The following EXOC4 variants were observed in gnomAD, a reference collection of about 807,000 sequenced individuals.
EXOC4 encodes exocyst complex component 4.
EXOC4 carries 71 observed loss-of-function variants against 107.2 expected under a neutral mutation model. That is an observed-to-expected ratio of 0.66 (90% confidence interval 0.55 to 0.81). The LOEUF (loss-of-function observed/expected upper bound fraction) is 0.81, where lower values mean the gene tolerates loss of function less well. Among genes scored for constraint, EXOC4 ranks in the 30% least tolerant of loss-of-function variants. The pLI is 0.00. For missense variants in EXOC4, 1,108 were observed against 1,189.6 expected, an observed-to-expected ratio of 0.93 and a Z score of 1.01; for synonymous variants, 456 against 441.2, an observed-to-expected ratio of 1.03 and a Z score of -0.42.
intron 10 of EXOC4, among the ~76,000 whole-genome samples, chr7:133,725,851 T>A (rs1795204036): frequency 2.0e-5 from 3 of 152,342 alleles, no homozygotes; most frequent in Middle Eastern, 3.4e-3. Flanking sequence ...ATGACCAGGC[T>A]TATTTCAAAG....
chr7:134,059,190 T>C (rs1047942940), intron 17 of EXOC4, among the ~76,000 whole-genome samples: 1 of 152,164 alleles, frequency 6.6e-6, no homozygotes, highest in African/African-American at 2.4e-5. Context: ...AGAGTTGCCA[T>C]GGGCGGGAAT....
intron 15 of EXOC4, among the ~76,000 whole-genome samples, chr7:134,002,976 T>C (rs1053056214): frequency 4.6e-5 from 7 of 152,136 alleles, no homozygotes; most frequent in Non-Finnish European, 1.0e-4. Flanking sequence ...CTTCCAGGTA[T>C]TTATCCAAGA....
intron 1 of EXOC4, among the ~76,000 whole-genome samples, chr7:133,260,031 C>G (rs1206623875): frequency 7.4e-6 from 1 of 134,302 alleles, no homozygotes; most frequent in East Asian, 2.0e-4. Flanking sequence ...CAGTTTTTTC[C>G]AGTACTTTTT....
chr7:133,557,820 A>G (rs1436283569), intron 9 of EXOC4, among the ~76,000 whole-genome samples: 1 of 152,044 alleles, frequency 6.6e-6, no homozygotes, highest in African/African-American at 2.4e-5. Context: ...GCGAAATCCC[A>G]TCTCTACTTA....
intron 13 of EXOC4, among the ~76,000 whole-genome samples, chr7:133,932,554 T>C (rs913906562): frequency 2.0e-5 from 3 of 152,234 alleles, no homozygotes; most frequent in Non-Finnish European, 4.4e-5. Flanking sequence ...ATACTCACTC[T>C]ATACTATCTC....
At chr7:133,707,971 T>C (rs1794804425) in intron 10 of EXOC4, among the ~76,000 whole-genome samples, 1 of 152,148 alleles carries the variant, frequency 6.6e-6, no homozygotes, top group Non-Finnish European at 1.5e-5. Context: ...CAGTGAACAA[T>C]TACTTAGATA....
intron 5 of EXOC4, among the ~76,000 whole-genome samples, chr7:133,326,281 C>T (rs568124311): frequency 2.7e-4 from 41 of 152,262 alleles, no homozygotes; most frequent in Non-Finnish European, 4.1e-4. Flanking sequence ...GGGGGAGAGG[C>T]GCTCTGATTT....
At chr7:133,475,073 C>T (rs1467100491) in intron 7 of EXOC4, among the ~76,000 whole-genome samples, 1 of 152,038 alleles carries the variant, frequency 6.6e-6, no homozygotes, top group Admixed American at 6.5e-5. Context: ...ATAGTAGATA[C>T]CCAATAAAAA....
chr7:133,501,329 C>T (rs374490114), intron 9 of EXOC4, among the ~76,000 whole-genome samples: 1 of 152,054 alleles, frequency 6.6e-6, no homozygotes, highest in African/African-American at 2.4e-5. Context: ...CTGAAACTGA[C>T]AGACTGTAGA....
chr7:134,081,289 G>C, the EXOC4 span, among the ~76,000 whole-genome samples: 7 of 152,154 alleles, frequency 4.6e-5, no homozygotes, highest in Non-Finnish European at 1.0e-4. Flanking sequence ...GTTGCCGTGA[G>C]CTGAGATTGC....
intron 14 of EXOC4, among the ~76,000 whole-genome samples, chr7:133,955,633 C>T (rs2953634): frequency 0.26 from 38,853 of 152,184 alleles, 5,850 homozygotes; most frequent in Non-Finnish European, 0.34. Context: ...TCACCGGGGA[C>T]CTGGCCCTGT....
chr7:133,999,260 G>A (rs960519524), intron 15 of EXOC4, among the ~76,000 whole-genome samples: 6 of 152,118 alleles, frequency 3.9e-5, no homozygotes, highest in Non-Finnish European at 4.4e-5. Flanking sequence ...GACTTTGTTT[G>A]ATAGGTGACC....
intron 5 of EXOC4, among the ~76,000 whole-genome samples, chr7:133,334,948 C>T (rs1181086735): frequency 6.6e-6 from 1 of 152,192 alleles, no homozygotes; most frequent in African/African-American, 2.4e-5. Flanking sequence ...ATATGTACTA[C>T]ATTTTCTTTA....
At position 133,280,868 on chromosome 7, in the gene EXOC4, C is replaced by T. The variant is rs573898895; in HGVS notation, c.276+5697C>T. Among the ~76,000 whole-genome samples, 8 of 152,236 alleles carry T rather than the reference C, an allele frequency of 5.3e-5. No homozygotes were observed. In the South Asian group the frequency reaches 1.7e-3, roughly 32 times the overall value. ...TTTACAGCCCAAATATAAGATGCTG[C>T]TTGTATGAGAAAGGGAAGAAGGCCT... On this transcript the variant is annotated intron_variant, in intron 2 of 17. Coordinates refer to ENST00000253861, the MANE Select transcript of EXOC4 (RefSeq NM_021807.4).
At chr7:133,747,477 G>A (rs1245552118) in intron 10 of EXOC4, among the ~76,000 whole-genome samples, 2 of 152,068 alleles carry the variant, frequency 1.3e-5, no homozygotes, top group African/African-American at 2.4e-5. Flanking sequence ...AATAAACTTG[G>A]CATGTTTAAC....
chr7:133,710,737 T>C (rs1794873353), intron 10 of EXOC4, among the ~76,000 whole-genome samples: 1 of 151,920 alleles, frequency 6.6e-6, no homozygotes. Flanking sequence ...GCCTCAACTA[T>C]TTTTAATATG....
At chr7:133,260,211 T>G (rs1005149057) in intron 1 of EXOC4, among the ~76,000 whole-genome samples, 14 of 152,220 alleles carry the variant, frequency 9.2e-5, no homozygotes, top group Non-Finnish European at 5.9e-5. Flanking sequence ...ATAACAATAC[T>G]GCACTGTCTT....
At chr7:133,643,314 AG>A (rs1802906664) in intron 10 of EXOC4, among the ~76,000 whole-genome samples, 1 of 120,852 alleles carries the variant, frequency 8.3e-6, no homozygotes, top group Admixed American at 1.0e-4. Context: ...AGGCTAGGTC[AG>A]TCTCTCTTTT....
intron 9 of EXOC4, among the ~76,000 whole-genome samples, chr7:133,584,798 C>T (rs1305295708): frequency 1.3e-5 from 2 of 151,974 alleles, no homozygotes; most frequent in African/African-American, 2.4e-5. Flanking sequence ...AGGCTGGTCT[C>T]GAACTCCTGA....
Sources: gnomAD v4.1 joint callset for allele counts (sites outside exome capture counted in the v4.1 genomes callset) on GRCh38, gnomAD v4.1.1 for gene constraint, MANE v1.5 for transcripts, NCBI Gene and HGNC (gene_info 2026-07-23, HGNC 2026-07-21) for gene names.